The following GADL1 variants were observed in gnomAD, a reference collection of about 807,000 sequenced individuals.
GADL1 encodes the protein acidic amino acid decarboxylase GADL1.
A neutral mutation model predicts 69.5 loss-of-function variants in GADL1; 71 were observed. The ratio of observed to expected loss-of-function variants is 1.02; its 90% confidence interval spans 0.84 to 1.25. The LOEUF (loss-of-function observed/expected upper bound fraction) is 1.25. GADL1 is among the 50% of genes most tolerant of loss of function. The pLI, the probability that GADL1 is intolerant of heterozygous loss-of-function variation, is 0.00. For synonymous variants in GADL1, 254 were observed against 214.4 expected (o/e 1.18, Z -1.62); for missense variants, 737 against 631.8 (o/e 1.17, Z -1.79).
At chr3:30,880,077 A>T (rs1698623313) in intron 1 of GADL1, among the ~76,000 whole-genome samples, 1 of 151,932 alleles carries the variant, frequency 6.6e-6, no homozygotes, top group Admixed American at 6.6e-5. Flanking sequence ...AATTTTTTAA[A>T]TACATTCCTG....
chr3:30,760,515 C>G (rs564051698), intron 14 of GADL1, among the ~76,000 whole-genome samples: 1 of 152,272 alleles, frequency 6.6e-6, no homozygotes, highest in African/African-American at 2.4e-5. Flanking sequence ...ACTCTCCAAA[C>G]CACATCCAGC....
intron 14 of GADL1, among the ~76,000 whole-genome samples, chr3:30,757,772 A>C (rs1422944443): frequency 6.8e-6 from 1 of 147,686 alleles, no homozygotes; most frequent in African/African-American, 2.7e-5. Flanking sequence ...TCCCCTGTTT[A>C]AACAGTTCTA....
In GADL1 at chr3:30,833,834, C is replaced by T. The variant is rs201309270; in HGVS notation, c.1050+19G>A. The T allele has an allele frequency of 3.4e-5, 54 of 1,589,036 alleles. No homozygotes were observed. In the African/African-American group the frequency reaches 6.6e-4, roughly 19 times the overall value. On this transcript the variant is annotated intron_variant, in intron 11 of 14. Coordinates refer to ENST00000282538, the MANE Select transcript of GADL1 (RefSeq NM_207359.3). ...CTTAACCCCCTTGAAGCCCAAAGGA[C>T]CACAAGAGGAAAACTTACAGATTTG... is the stretch of plus-strand genomic sequence containing the variant.
rs1695380425 is a variant in GADL1, at chr3:30,727,171, T to C, written c.*1071A>G. Reference sequence around the variant, plus strand: ...TATATATGTATATCACAGAAACATATATATTTCCCAAATTTTTCTTAAAAA... The same window carrying C: ...TATATATGTATATCACAGAAACATACATATTTCCCAAATTTTTCTTAAAAA... On this transcript the variant is annotated 3_prime_UTR_variant, in exon 15 of 15. Coordinates refer to ENST00000282538, the MANE Select transcript of GADL1 (RefSeq NM_207359.3). The C allele has an allele frequency of 1.2e-5, 1 of 80,852 alleles. No homozygotes were observed. The highest frequency in any genetic ancestry group is 9.7e-5 in the Admixed American group (1 of 10,324). 5.0% of individuals were successfully genotyped at this position (80,852 alleles called of 1,614,324 possible). A position where few individuals can be genotyped will look rare whatever the true frequency, so the allele number is the denominator to read the frequency against.
intron 11 of GADL1, among the ~76,000 whole-genome samples, chr3:30,806,629 G>A (rs1235935350): frequency 1.3e-5 from 2 of 152,304 alleles, no homozygotes; most frequent in African/African-American, 4.8e-5. Context: ...ACTGTCCAGT[G>A]CTAGAATAGG....
At chr3:30,794,295 C>A (rs1696982178) in intron 12 of GADL1, among the ~76,000 whole-genome samples, 1 of 46,810 alleles carries the variant, frequency 2.1e-5, no homozygotes, top group Non-Finnish European at 4.0e-5. Flanking sequence ...AGTTCCTGAG[C>A]TGTTTGTTGT....
rs1208396342 is a variant in GADL1, at chr3:30,786,405, A to AC, written c.1251dup (p.Tyr418ValfsTer5). On this transcript the variant is annotated frameshift_variant and splice_region_variant, in exon 13 of 15. Transcript: ENST00000282538. LOFTEE classifies it high-confidence loss of function. ...CTTTTCTTGATTTCATCTACTAGGTACCTAAAATTAAAAGTCACAATAATA... is the reference window on the plus strand; with the variant it reads ...CTTTTCTTGATTTCATCTACTAGGTACCCTAAAATTAAAAGTCACAATAATA... 7.0e-7 allele frequency: 1 copy of AC among 1,431,238 alleles called. No homozygotes were observed. Among genetic ancestry groups the AC allele is most frequent in the African/African-American group, 1.4e-5 (1 of 70,288 alleles). 88.7% of individuals were successfully genotyped at this position (1,431,238 alleles called of 1,614,324 possible).
At chr3:30,730,981 C>T (rs937058384) in intron 14 of GADL1, among the ~76,000 whole-genome samples, 1 of 152,184 alleles carries the variant, frequency 6.6e-6, no homozygotes, top group African/African-American at 2.4e-5. Context: ...CAATGGAGAA[C>T]CACGCTTTGA....
In GADL1 at chr3:30,730,213, G is replaced by T. The variant is rs185601260; in HGVS notation, c.1393-1798C>A. On this transcript the variant is annotated intron_variant, in intron 14 of 14. Transcript: ENST00000282538. ...ATATCTGCTTCAAACCCATGAATTT[G>T]TATGCATTGGTTGAGTTTTCTTCCA... 2.0e-5 allele frequency among the ~76,000 whole-genome samples: 3 copies of T among 152,268 alleles called. No individual in the cohort carries two copies. In the East Asian group the frequency reaches 5.8e-4, roughly 29 times the overall value.
chr3:30,778,040 T>G (rs1696576336), intron 14 of GADL1, 139 bp downstream of exon 14: 1 of 585,894 alleles, frequency 1.7e-6, no homozygotes, highest in Admixed American at 3.0e-5. Flanking sequence ...GTTTGGCCTG[T>G]CATTACTTTT....
Position 30,850,097 on chromosome 3 carries a change from T to C in GADL1, c.550A>G (p.Asn184Asp), listed in dbSNP as rs1423871532. Residue 184 changes from asparagine to aspartate, a missense_variant, in exon 6 of 15, where the codon AAT becomes GAT. Coordinates refer to ENST00000282538, the MANE Select transcript of GADL1 (RefSeq NM_207359.3). ...GIFNPGGSVS[N>D]MYAMNLARYK... ...CTAGCTAAATTCATTGCATACATAT[T>C]GGACACTGAGCCACCTGCAAAAACA... 6.3e-7 allele frequency: 1 copy of C among 1,598,124 alleles called. No homozygotes were observed. Among genetic ancestry groups the C allele is most frequent in the East Asian group, 2.2e-5 (1 of 44,672 alleles).
intron 1 of GADL1, among the ~76,000 whole-genome samples, chr3:30,871,186 A>G (rs2125540982): frequency 6.6e-6 from 1 of 151,692 alleles, no homozygotes; most frequent in Non-Finnish European, 1.5e-5. Context: ...GGACTTCAGT[A>G]GAAACTGAGG....
chr3:30,749,373 AAAG>A (rs1210491804), intron 14 of GADL1, among the ~76,000 whole-genome samples: 1 of 152,216 alleles, frequency 6.6e-6, no homozygotes, highest in Non-Finnish European at 1.5e-5. Flanking sequence ...AATCAGAAGA[AAAG>A]AAGACTGGCC....
intron 11 of GADL1, among the ~76,000 whole-genome samples, chr3:30,828,975 C>T (rs1697739844): frequency 6.6e-6 from 1 of 151,848 alleles, no homozygotes; most frequent in Non-Finnish European, 1.5e-5. Flanking sequence ...TTCATGTTCT[C>T]ATACCTGTTG....
chr3:30,826,407 T>G (rs999381724), intron 11 of GADL1, among the ~76,000 whole-genome samples: 19 of 151,814 alleles, frequency 1.3e-4, no homozygotes, highest in African/African-American at 4.1e-4. Context: ...CCAAGATGAG[T>G]GAATTCTTTA....
chr3:30,749,547 T>A (rs1695767619), intron 14 of GADL1, among the ~76,000 whole-genome samples: 1 of 152,240 alleles, frequency 6.6e-6, no homozygotes, highest in African/African-American at 2.4e-5. Context: ...AAGCCAGCAC[T>A]TTAGACTAAT....
intron 14 of GADL1, among the ~76,000 whole-genome samples, chr3:30,766,148 A>G (rs1696270313): frequency 1.3e-5 from 2 of 152,224 alleles, no homozygotes; most frequent in African/African-American, 4.8e-5. Flanking sequence ...ATTCAGAGGA[A>G]GAAACAAGTA....
At chr3:30,871,983 CACTT>C (rs1259543305) in intron 1 of GADL1, among the ~76,000 whole-genome samples, 4 of 151,978 alleles carry the variant, frequency 2.6e-5, no homozygotes, top group African/African-American at 9.7e-5. Flanking sequence ...TTTTCAGAGA[CACTT>C]ACTCCTATTG....
intron 14 of GADL1, among the ~76,000 whole-genome samples, chr3:30,763,664 G>GT (rs1696196918): frequency 2.0e-5 from 3 of 152,076 alleles, no homozygotes; most frequent in Admixed American, 2.0e-4. Context: ...ATAGTGTTGC[G>GT]TATCTCAGAA....
Sources: allele counts gnomAD v4.1 joint callset (sites outside exome capture counted in the v4.1 genomes callset), GRCh38; gene constraint gnomAD v4.1.1; transcripts MANE v1.5; gene names NCBI Gene and HGNC (gene_info 2026-07-23, HGNC 2026-07-21).